DSCAML1: variants seen among roughly 807,000 people sequenced by gnomAD.
The protein encoded by DSCAML1 is DS cell adhesion molecule like 1, also known as cell adhesion molecule DSCAML1.
DSCAML1 carries 38 observed loss-of-function variants against 200.5 expected under a neutral mutation model. That is an observed-to-expected ratio of 0.19 (90% CI 0.15 to 0.25). DSCAML1 has a LOEUF of 0.25. Among genes scored for constraint, DSCAML1 ranks in the 10% least tolerant of loss-of-function variants. DSCAML1 has a pLI of 1.00. For synonymous variants in DSCAML1, 1,215 were observed against 1,165.0 expected, an observed-to-expected ratio of 1.04 and a Z score of -0.87; for missense variants, 2,223 against 2,858.8, an observed-to-expected ratio of 0.78 and a Z score of 5.07.
chr11:117,775,180 C>T (rs1209717377), intron 3 of DSCAML1, among the ~76,000 whole-genome samples: 1 of 152,186 alleles, frequency 6.6e-6, no homozygotes, highest in African/African-American at 2.4e-5. Flanking sequence ...AGCCCATGGT[C>T]CCTGCCTGAA....
Position 117,498,390 on chromosome 11 carries a change from C to CTGGAAGCAGGACAGT in DSCAML1, c.2359+5454_2359+5455insACTGTCCTGCTTCCA. 6.6e-6 allele frequency among the ~76,000 whole-genome samples: 1 copy of CTGGAAGCAGGACAGT among 152,240 alleles called. No individual in the cohort carries two copies. The highest frequency in any genetic ancestry group is 2.1e-4 in the South Asian group (1 of 4,824). On this transcript the variant is annotated intron_variant, in intron 11 of 32. Transcript: ENST00000651296. This position sits in a 1 kb window ranked among gnomAD's most constrained non-coding sequence, Gnocchi z 4.0. ...GTGGGAGGACAGTCTGTGGAGGAGC[C>CTGGAAGCAGGACAGT]CTCGGGAGGTCCTGGAAGCAGGGAA...
At chr11:117,524,677 C>T (rs2049942383) in intron 5 of DSCAML1, 128 bp downstream of exon 5, 2 of 1,209,478 alleles carry the variant, frequency 1.7e-6, no homozygotes, top group South Asian at 1.6e-5. Flanking sequence ...GACTGCCTTC[C>T]CCAGTCAGCC....
At chr11:117,556,463 C>T (rs1263815912) in intron 3 of DSCAML1, among the ~76,000 whole-genome samples, 1 of 152,170 alleles carries the variant, frequency 6.6e-6, no homozygotes, top group Non-Finnish European at 1.5e-5. Context: ...AGACCCTTTC[C>T]TTTCTCGACT....
intron 1 of DSCAML1, among the ~76,000 whole-genome samples, chr11:117,814,744 A>C (rs1329390073): frequency 6.6e-6 from 1 of 152,228 alleles, no homozygotes; most frequent in Non-Finnish European, 1.5e-5. Flanking sequence ...GCAGGTGCCC[A>C]GGGTGCTAGA....
chr11:117,565,236 A>C (rs2050735791), intron 3 of DSCAML1, among the ~76,000 whole-genome samples: 1 of 152,174 alleles, frequency 6.6e-6, no homozygotes, highest in Non-Finnish European at 1.5e-5. Flanking sequence ...GTGATAATTT[A>C]ATACATTCAT....
intron 1 of DSCAML1, among the ~76,000 whole-genome samples, chr11:117,792,305 C>T (rs1169316899): frequency 6.6e-6 from 1 of 152,138 alleles, no homozygotes. Flanking sequence ...ATAGTAGTAT[C>T]CTCTCAGGGC....
chr11:117,781,677 C>G (rs1373207659), intron 1 of DSCAML1, among the ~76,000 whole-genome samples: 1 of 152,232 alleles, frequency 6.6e-6, no homozygotes, highest in African/African-American at 2.4e-5. Context: ...CACCATGTGA[C>G]TGTGCAATTC....
chr11:117,654,755 AC>A (rs764346820), intron 3 of DSCAML1, among the ~76,000 whole-genome samples: 17 of 152,126 alleles, frequency 1.1e-4, no homozygotes, highest in Non-Finnish European at 2.2e-4. Context: ...CCTTGTTCTC[AC>A]CCAGGCACAT....
chr11:117,694,701 C>T (rs1333204708), intron 3 of DSCAML1, among the ~76,000 whole-genome samples: 4 of 152,158 alleles, frequency 2.6e-5, no homozygotes, highest in Non-Finnish European at 5.9e-5. Context: ...ACGTTGGTGG[C>T]TTGAACTAAC....
At chr11:117,773,739 C>T (rs1316690521) in intron 3 of DSCAML1, among the ~76,000 whole-genome samples, 1 of 152,198 alleles carries the variant, frequency 6.6e-6, no homozygotes, top group Non-Finnish European at 1.5e-5. Context: ...CTCTGGCTCT[C>T]ATGGAGTCCT....
At chr11:117,756,113 T>G (rs1308484024) in intron 3 of DSCAML1, among the ~76,000 whole-genome samples, 1 of 152,190 alleles carries the variant, frequency 6.6e-6, no homozygotes, top group African/African-American at 2.4e-5. Context: ...AAGATTAATT[T>G]AGGAAGTGGA....
At chr11:117,565,578 C>A (rs1393007620) in intron 3 of DSCAML1, among the ~76,000 whole-genome samples, 1 of 152,204 alleles carries the variant, frequency 6.6e-6, no homozygotes, top group Non-Finnish European at 1.5e-5. Flanking sequence ...CTTTGTTATT[C>A]CACTGCTCTA....
At chr11:117,478,737 G>T (rs543321222) in intron 14 of DSCAML1, among the ~76,000 whole-genome samples, 1 of 152,312 alleles carries the variant, frequency 6.6e-6, no homozygotes, top group Admixed American at 6.5e-5. Flanking sequence ...TTCCTGGTGT[G>T]CATTGCACCC....
chr11:117,805,864 C>T (rs1208966958), intron 1 of DSCAML1, among the ~76,000 whole-genome samples: 1 of 152,194 alleles, frequency 6.6e-6, no homozygotes, highest in Non-Finnish European at 1.5e-5. Flanking sequence ...AGCCTACATG[C>T]TCAGAGTCAG....
intron 3 of DSCAML1, among the ~76,000 whole-genome samples, chr11:117,546,989 C>T (rs528661826): frequency 3.3e-5 from 5 of 151,922 alleles, no homozygotes; most frequent in South Asian, 4.2e-4. Flanking sequence ...ATGAGAGGGG[C>T]GCTTTAAGAA....
At chr11:117,760,044 A>G (rs1425245579) in intron 3 of DSCAML1, among the ~76,000 whole-genome samples, 1 of 152,158 alleles carries the variant, frequency 6.6e-6, no homozygotes, top group Non-Finnish European at 1.5e-5. Context: ...ATCAGCCCCC[A>G]GACCTCGCTT....
In DSCAML1 at chr11:117,623,216, C is replaced by CTTTTT. The variant is rs56343852; in HGVS notation, c.512-90699_512-90695dup. Among the ~76,000 whole-genome samples the CTTTTT allele has an allele frequency of 7.0e-4, 85 of 121,098 alleles. 2 individuals are homozygous for CTTTTT. The highest frequency in any genetic ancestry group is 1.5e-3 in the African/African-American group (47 of 32,250). The allele number at this position is 121,098 out of a possible 152,430, so 79.4% of individuals were successfully genotyped here. On this transcript the variant is annotated intron_variant, in intron 3 of 32. Coordinates refer to ENST00000651296, the MANE Select transcript of DSCAML1 (RefSeq NM_020693.4). Reference sequence around the variant, plus strand: ...TTTTTTTTCTTTTTTCTTTTCTTTTCTTTTTTTTTTTTTTTTTGAGACAGA... The same window carrying CTTTTT: ...TTTTTTTTCTTTTTTCTTTTCTTTTCTTTTTTTTTTTTTTTTTTTTTTGAGACAGA...
chr11:117,428,717 G>A lies in DSCAML1; in HGVS notation c.5773C>T (p.Pro1925Ser). The change falls in exon 33 of 33, where the codon CCC becomes TCC. Residue 1925 changes from proline (P) to serine (S), a missense_variant. Physicochemically the swap from Pro to Ser is moderately conservative, Grantham distance 74. Transcript: ENST00000651296. ...AGGTTCCGGATGGAGGCCTCACGGG[G>A]TGGGACCACGGGGCAGGGCTCACGT... ...DGREPCPVVP[P>S]REASIRNLAR... 6.2e-7 allele frequency: 1 copy of A among 1,613,304 alleles called. No homozygotes were observed. Among genetic ancestry groups the A allele is most frequent in the Non-Finnish European group, 8.5e-7 (1 of 1,179,792 alleles).
chr11:117,496,226 T>G (rs562791351), intron 11 of DSCAML1, among the ~76,000 whole-genome samples: 63 of 152,224 alleles, frequency 4.1e-4, no homozygotes, highest in Non-Finnish European at 7.1e-4. Flanking sequence ...TCCTAACGAG[T>G]CTGTATGTTC....
Sources: allele counts gnomAD v4.1 joint callset (sites outside exome capture counted in the v4.1 genomes callset), GRCh38; gene constraint gnomAD v4.1.1; non-coding constraint Gnocchi (gnomAD v3.1); transcripts MANE v1.5; gene names NCBI Gene and HGNC (gene_info 2026-07-23, HGNC 2026-07-21).